The following LAMA2 variants were observed in gnomAD, a reference collection of about 807,000 sequenced individuals.
The protein encoded by LAMA2 is laminin subunit alpha-2.
Under a neutral mutation model 364.8 loss-of-function variants are expected in LAMA2, and 269 were observed. The ratio of observed to expected loss-of-function variants is 0.74; its 90% CI spans 0.67 to 0.82. The LOEUF is 0.82. Ranked by LOEUF, LAMA2 falls within the 40% of genes least tolerant of loss-of-function variation. The probability of loss-of-function intolerance (pLI) is 0.00; values close to 1 mark genes in which losing one functional copy is unlikely to be tolerated. For missense variants in LAMA2, 3,807 were observed against 3,873.2 expected (o/e 0.98, Z 0.45); for synonymous variants, 1,379 against 1,370.6 (o/e 1.01, Z -0.14).
At chr6:129,308,032 G>A (rs182620666) in intron 22 of LAMA2, among the ~76,000 whole-genome samples, 3 of 152,278 alleles carry the variant, frequency 2.0e-5, no homozygotes, top group East Asian at 3.9e-4. Context: ...TTTGAACCTG[G>A]TCTAGAATAT....
chr6:129,464,082 T>A (rs1783407868), intron 49 of LAMA2, among the ~76,000 whole-genome samples: 1 of 151,964 alleles, frequency 6.6e-6, no homozygotes, highest in Non-Finnish European at 1.5e-5. Flanking sequence ...GACTTAGTTA[T>A]TGCACACCTC....
chr6:129,020,224 C>T (rs1785359758), intron 1 of LAMA2, among the ~76,000 whole-genome samples: 1 of 152,008 alleles, frequency 6.6e-6, no homozygotes, highest in African/African-American at 2.4e-5. Flanking sequence ...CTCTGGGATC[C>T]TGTCATTTCT....
intron 9 of LAMA2, among the ~76,000 whole-genome samples, chr6:129,176,072 C>T (rs1780570217): frequency 6.6e-6 from 1 of 151,416 alleles, no homozygotes; most frequent in African/African-American, 2.4e-5. Flanking sequence ...TATAAGTTTA[C>T]TTTTGGGTAC....
At chr6:129,108,574 A>G (rs1478803) in intron 4 of LAMA2, among the ~76,000 whole-genome samples, 40,146 of 151,744 alleles carry the variant, frequency 0.26, 6,034 homozygotes, top group African/African-American at 0.42. Flanking sequence ...CCACCCATTC[A>G]ACCCATCTGT....
chr6:128,910,225 A>C (rs142131561), intron 1 of LAMA2, among the ~76,000 whole-genome samples: 19,954 of 151,618 alleles, frequency 0.13, 1,172 homozygotes, highest in African/African-American at 0.25. Context: ...AATATCCTGC[A>C]GAGTGTTTTC....
intron 48 of LAMA2, among the ~76,000 whole-genome samples, chr6:129,458,409 A>G (rs9492324): frequency 0.034 from 5,099 of 152,124 alleles, 288 homozygotes; most frequent in African/African-American, 0.12. Context: ...ACCTTAGGAA[A>G]TCATTTTGGC....
chr6:129,048,493 T>TTCCTTCCTTCCTTCC (rs1787723179), intron 1 of LAMA2, among the ~76,000 whole-genome samples: 3 of 51,346 alleles, frequency 5.8e-5, no homozygotes, highest in African/African-American at 1.5e-4. Context: ...TCTTTCTTTC[T>TTCCTTCCTTCCTTCC]TTCCTTCCTT....
intron 62 of LAMA2, among the ~76,000 whole-genome samples, chr6:129,508,924 C>G (rs1786337899): frequency 2.0e-5 from 3 of 152,250 alleles, no homozygotes; most frequent in Admixed American, 2.0e-4. Flanking sequence ...TGAGGAACCT[C>G]CAAACTGTTC....
chr6:128,982,130 A>G (rs902357766), intron 1 of LAMA2, among the ~76,000 whole-genome samples: 2 of 152,204 alleles, frequency 1.3e-5, no homozygotes, highest in Non-Finnish European at 2.9e-5. Context: ...ACATGATAAA[A>G]TATATACCCA....
chr6:129,386,466 A>G (rs572250545), intron 35 of LAMA2, among the ~76,000 whole-genome samples: 4 of 152,232 alleles, frequency 2.6e-5, no homozygotes, highest in African/African-American at 9.6e-5. Context: ...AGAAAATCAT[A>G]TTGCCTAGCA....
At chr6:129,146,173 G>T (rs111706986) in intron 5 of LAMA2, among the ~76,000 whole-genome samples, 1 of 151,904 alleles carries the variant, frequency 6.6e-6, no homozygotes, top group African/African-American at 2.4e-5. Flanking sequence ...TTTTGTGTGT[G>T]TGTATAATTG....
intron 8 of LAMA2, 126 bp downstream of exon 8, chr6:129,154,809 T>C: frequency 1.3e-6 from 1 of 776,622 alleles, no homozygotes; most frequent in Non-Finnish European, 2.1e-6. Flanking sequence ...AAAAGGTAAG[T>C]AGGAACATTT....
rs772157252 is a variant in LAMA2 at position 129,426,898 on chromosome 6, T to C, written c.5866-854T>C. On this transcript the variant is annotated intron_variant, in intron 40 of 64. Transcript: ENST00000421865. ...GTGATAATCTGAGTTCAGATTTATATCTTCAACAGTAAGTATTTAGCACTC... is the reference window on the plus strand; with the variant it reads ...GTGATAATCTGAGTTCAGATTTATACCTTCAACAGTAAGTATTTAGCACTC... Among the ~76,000 whole-genome samples, 9 of 152,344 alleles carry C rather than the reference T, an allele frequency of 5.9e-5. No homozygotes were observed. The South Asian group carries it at 8.3e-4, about 14-fold the overall frequency.
chr6:129,188,641 C>G (rs1445898112), intron 10 of LAMA2, among the ~76,000 whole-genome samples: 1 of 151,870 alleles, frequency 6.6e-6, no homozygotes, highest in Admixed American at 6.6e-5. Context: ...TTGCTGATAT[C>G]TATCATTTCA....
intron 12 of LAMA2, among the ~76,000 whole-genome samples, chr6:129,221,055 G>A (rs536084557): frequency 5.3e-5 from 8 of 151,778 alleles, no homozygotes; most frequent in East Asian, 1.9e-4. Flanking sequence ...CCAGCTACTC[G>A]TGAGGCTGAG....
intron 37 of LAMA2, among the ~76,000 whole-genome samples, chr6:129,397,938 GAAAAAAA>G (rs58131786): frequency 0.4 from 41,414 of 103,544 alleles, 7,342 homozygotes; most frequent in Non-Finnish European, 0.49. Flanking sequence ...CTCCGTCTCA[GAAAAAAA>G]AAAAAAAAAA....
intron 12 of LAMA2, among the ~76,000 whole-genome samples, chr6:129,210,758 G>A (rs1783046729): frequency 6.6e-6 from 1 of 152,076 alleles, no homozygotes; most frequent in Non-Finnish European, 1.5e-5. Context: ...ATCCTAATTA[G>A]AACACCCAAA....
chr6:129,480,433 TGA>T (rs1360954306), intron 54 of LAMA2, among the ~76,000 whole-genome samples: 1 of 152,132 alleles, frequency 6.6e-6, no homozygotes, highest in Non-Finnish European at 1.5e-5. Context: ...CTACATTTAC[TGA>T]GAGAGTGATA....
intron 1 of LAMA2, among the ~76,000 whole-genome samples, chr6:128,926,159 A>G (rs951721708): frequency 2.0e-5 from 3 of 151,754 alleles, no homozygotes; most frequent in East Asian, 1.9e-4. Context: ...TTTTCTTTTT[A>G]TCACCTACAT....
Sources: allele counts gnomAD v4.1 joint callset (sites outside exome capture counted in the v4.1 genomes callset), GRCh38; gene constraint gnomAD v4.1.1; transcripts MANE v1.5; gene names NCBI Gene and HGNC (gene_info 2026-07-23, HGNC 2026-07-21).